The following PTPRM variants were observed in gnomAD, a reference collection of about 807,000 sequenced individuals.
PTPRM encodes protein tyrosine phosphatase receptor type M.
A neutral mutation model predicts 186.7 loss-of-function variants in PTPRM; 47 were observed. The ratio of observed to expected loss-of-function variants is 0.25; its 90% CI spans 0.20 to 0.32. The LOEUF (loss-of-function observed/expected upper bound fraction) is 0.32, where lower values mean the gene tolerates loss of function less well. Among genes scored for constraint, PTPRM ranks in the 10% least tolerant of loss-of-function variants. The probability of loss-of-function intolerance (pLI) is 1.00; values close to 1 mark genes in which losing one functional copy is unlikely to be tolerated. For missense variants in PTPRM, 1,494 were observed against 1,865.0 expected (o/e 0.80, Z 3.66); for synonymous variants, 668 against 674.9 (o/e 0.99, Z 0.16).
intron 14 of PTPRM, among the ~76,000 whole-genome samples, chr18:8,199,802 G>A (rs2093828539): frequency 6.6e-6 from 1 of 152,116 alleles, no homozygotes; most frequent in Non-Finnish European, 1.5e-5. Context: ...TCCAAAGAGT[G>A]CGTTTTGTTC....
At chr18:8,161,438 G>T (rs1276860405) in intron 14 of PTPRM, among the ~76,000 whole-genome samples, 1 of 152,124 alleles carries the variant, frequency 6.6e-6, no homozygotes, top group Non-Finnish European at 1.5e-5. Flanking sequence ...GGTGCAGAGA[G>T]TGTGGTGAGA....
chr18:8,064,641 A>G (rs1027352367), intron 7 of PTPRM, among the ~76,000 whole-genome samples: 1 of 152,344 alleles, frequency 6.6e-6, no homozygotes, highest in African/African-American at 2.4e-5. Context: ...TCACCAGTAC[A>G]TAGATGCCTG....
chr18:7,832,749 G>T (rs996722526), intron 2 of PTPRM, among the ~76,000 whole-genome samples: 9 of 152,100 alleles, frequency 5.9e-5, no homozygotes, highest in African/African-American at 2.2e-4. Flanking sequence ...TCTATTGTTT[G>T]CAGTCTTAGA....
At chr18:7,719,934 G>A (rs1174404118) in intron 1 of PTPRM, among the ~76,000 whole-genome samples, 1 of 152,154 alleles carries the variant, frequency 6.6e-6, no homozygotes, top group Non-Finnish European at 1.5e-5. Flanking sequence ...GTAGTGGTGT[G>A]TATCTGTAGT....
chr18:7,981,183 C>A (rs1311543406), intron 7 of PTPRM, among the ~76,000 whole-genome samples: 1 of 152,172 alleles, frequency 6.6e-6, no homozygotes, highest in African/African-American at 2.4e-5. Context: ...CCAACCCCAC[C>A]TTCACTCTCT....
chr18:8,048,411 C>T (rs1248237748), intron 7 of PTPRM, among the ~76,000 whole-genome samples: 5 of 151,614 alleles, frequency 3.3e-5, no homozygotes, highest in African/African-American at 4.8e-5. Context: ...CTCCTCCTGC[C>T]CTGCCATTCC....
chr18:8,275,356 A>G (rs999594172), intron 19 of PTPRM, among the ~76,000 whole-genome samples: 1 of 152,162 alleles, frequency 6.6e-6, no homozygotes, highest in African/African-American at 2.4e-5. Context: ...AGGTGGGAGG[A>G]TCACTGGAGC....
chr18:7,725,954 G>A (rs2040540240), intron 1 of PTPRM, among the ~76,000 whole-genome samples: 1 of 152,140 alleles, frequency 6.6e-6, no homozygotes, highest in South Asian at 2.1e-4. Flanking sequence ...AAGCTAAAAG[G>A]GCACTGTTGC....
intron 19 of PTPRM, among the ~76,000 whole-genome samples, chr18:8,253,765 G>C (rs2094550662): frequency 6.6e-6 from 1 of 152,154 alleles, no homozygotes; most frequent in African/African-American, 2.4e-5. Context: ...TTTATCCGTG[G>C]ATCCACTTTC....
intron 28 of PTPRM, 138 bp downstream of exon 28, chr18:8,379,478 AT>A (rs554502592): frequency 2.1e-5 from 20 of 941,234 alleles, no homozygotes; most frequent in Admixed American, 3.4e-5. Context: ...CAAAAAATAG[AT>A]TTCAGATTCC....
intron 13 of PTPRM, among the ~76,000 whole-genome samples, chr18:8,118,989 C>T (rs907310577): frequency 2.0e-5 from 3 of 151,378 alleles, no homozygotes; most frequent in Non-Finnish European, 4.4e-5. Flanking sequence ...AAAAACTTCA[C>T]GTAAACACAT....
At chr18:7,951,528 A>G (rs558195357) in intron 6 of PTPRM, among the ~76,000 whole-genome samples, 1 of 152,262 alleles carries the variant, frequency 6.6e-6, no homozygotes, top group Admixed American at 6.5e-5. Context: ...AAGAATGAAT[A>G]GATTCGTATT....
intron 19 of PTPRM, among the ~76,000 whole-genome samples, chr18:8,262,674 CTG>C (rs529828141): frequency 3.7e-4 from 56 of 152,268 alleles, no homozygotes; most frequent in African/African-American, 9.9e-4. Context: ...TCTCACAGCT[CTG>C]TGTTTGAATA....
chr18:7,611,719 G>T lies in PTPRM; in HGVS notation c.73+43828G>T, dbSNP rs144908875. On this transcript the variant is annotated intron_variant, in intron 1 of 32. Coordinates refer to ENST00000580170, the MANE Select transcript of PTPRM (RefSeq NM_001105244.2). ...ATGCTGTTCTCATGATAGTGAATAA[G>T]TCTCATGAGACCTAATGGTCTTATG... Among the ~76,000 whole-genome samples the T allele has an allele frequency of 3.0e-3, 453 of 152,250 alleles. 6 individuals carry two copies. The highest frequency in any genetic ancestry group is 0.011 in the African/African-American group (438 of 41,530).
intron 15 of PTPRM, 32 bp downstream of exon 15, chr18:8,244,241 A>G (rs2094457294): frequency 6.0e-6 from 9 of 1,489,588 alleles, no homozygotes; most frequent in African/African-American, 2.9e-5. Context: ...CTTCTAACAC[A>G]TCTCCTTGGT....
intron 10 of PTPRM, among the ~76,000 whole-genome samples, chr18:8,086,930 G>A (rs756887581): frequency 2.0e-5 from 3 of 152,098 alleles, no homozygotes; most frequent in Non-Finnish European, 4.4e-5. Flanking sequence ...TATAGAAACA[G>A]TATGGAGAGT....
chr18:8,268,154 A>G (rs977754384), intron 19 of PTPRM, among the ~76,000 whole-genome samples: 4 of 152,178 alleles, frequency 2.6e-5, no homozygotes, highest in African/African-American at 9.6e-5. Flanking sequence ...CATGGGATGC[A>G]TTTATAAATC....
At chr18:7,877,279 G>T (rs1341231518) in intron 2 of PTPRM, among the ~76,000 whole-genome samples, 2 of 152,090 alleles carry the variant, frequency 1.3e-5, no homozygotes, top group Non-Finnish European at 2.9e-5. Context: ...CACCTAGAAT[G>T]ATTATTTATA....
At chr18:7,757,827 C>T (rs1029401335) in intron 1 of PTPRM, among the ~76,000 whole-genome samples, 2 of 151,984 alleles carry the variant, frequency 1.3e-5, no homozygotes, top group Middle Eastern at 3.4e-3. Flanking sequence ...TGGTTGCAGG[C>T]GAGTGGGTAT....
Sources: gnomAD v4.1 joint callset for allele counts (sites outside exome capture counted in the v4.1 genomes callset) on GRCh38, gnomAD v4.1.1 for gene constraint, MANE v1.5 for transcripts, NCBI Gene and HGNC (gene_info 2026-07-23, HGNC 2026-07-21) for gene names.